PCDH11X: variants seen among roughly 807,000 people sequenced by gnomAD.
PCDH11X encodes protocadherin 11 X-linked, also known as protocadherin-11 X-linked.
A neutral mutation model predicts 53.3 loss-of-function variants in PCDH11X; 18 were observed. That is an observed-to-expected ratio of 0.34 (90% CI 0.23 to 0.50). PCDH11X has a LOEUF of 0.50. PCDH11X is among the 20% of genes least tolerant of loss of function. The pLI, the probability that PCDH11X is intolerant of heterozygous loss-of-function variation, is 0.98. For missense variants in PCDH11X, 570 were observed against 1,032.4 expected, an observed-to-expected ratio of 0.55 and a Z score of 6.14; for synonymous variants, 279 against 393.3, an observed-to-expected ratio of 0.71 and a Z score of 3.44.
chrX:92,105,893 T>C (rs1569358998), intron 6 of PCDH11X, among the ~76,000 whole-genome samples: 1 of 111,574 alleles, frequency 9.0e-6, no homozygotes. Context: ...ATGCGATGGC[T>C]TGGCTTGGGC....
chrX:92,422,803 A>G lies in PCDH11X; in HGVS notation c.3343+34870A>G, dbSNP rs755052632. Among the ~76,000 whole-genome samples the G allele has an allele frequency of 3.7e-3, 408 of 110,255 alleles. 4 individuals are homozygous for G. Among genetic ancestry groups the G allele is most frequent in the African/African-American group, 0.013 (382 of 30,515 alleles). On this transcript the variant is annotated intron_variant, in intron 9 of 10. Transcript: ENST00000682573. The stretch of plus-strand genomic sequence containing the variant: ...TGTAAAAGTGTTCCCTTTTCACCAC[A>G]TCCACGCCAACGTCTATTTTTTTTA...
At chrX:92,400,889 A>G (rs1359152902) in intron 9 of PCDH11X, among the ~76,000 whole-genome samples, 1 of 108,120 alleles carries the variant, frequency 9.2e-6, no homozygotes, top group Non-Finnish European at 1.9e-5. Context: ...TAGATGCTTA[A>G]GGAAATTGTA....
intron 6 of PCDH11X, among the ~76,000 whole-genome samples, chrX:92,134,230 A>G (rs1161059449): frequency 1.8e-5 from 2 of 111,309 alleles, no homozygotes; most frequent in East Asian, 5.7e-4. Context: ...CTTTGTCTAC[A>G]AGGAATTTCC....
chrX:92,303,927 G>A lies in PCDH11X; in HGVS notation c.3144+40784G>A, dbSNP rs753407703. Among the ~76,000 whole-genome samples, 9 of 111,091 alleles carry A rather than the reference G, an allele frequency of 8.1e-5. No homozygotes were observed. In the South Asian group the frequency reaches 1.1e-3, roughly 14 times the overall value. On this transcript the variant is annotated intron_variant, in intron 8 of 10. Transcript: ENST00000682573. ...TCAGATGTTTACTACAATGCAACAC[G>A]AGTTTTAAATGACTAAGTTGAGATA... is the stretch of plus-strand genomic sequence containing the variant.
intron 8 of PCDH11X, among the ~76,000 whole-genome samples, chrX:92,346,250 A>T (rs1234434688): frequency 9.0e-6 from 1 of 111,445 alleles, no homozygotes; most frequent in Non-Finnish European, 1.9e-5. Context: ...TAGAATTTTT[A>T]TCAGTCAGTC....
intron 6 of PCDH11X, among the ~76,000 whole-genome samples, chrX:91,996,160 T>C (rs1310357448): frequency 1.1e-5 from 1 of 88,871 alleles, no homozygotes; most frequent in African/African-American, 4.3e-5. Flanking sequence ...TTTTTTTTTT[T>C]TTTGAGACGG....
At chrX:92,580,158 A>G (rs5984196) in intron 10 of PCDH11X, among the ~76,000 whole-genome samples, 28,628 of 97,232 alleles carry the variant, frequency 0.29, 5,184 homozygotes, top group African/African-American at 0.48. Context: ...TATGCCAGCT[A>G]GAATGCTCCT....
chrX:92,232,876 C>T (rs1444307620), intron 7 of PCDH11X, among the ~76,000 whole-genome samples: 2 of 111,306 alleles, frequency 1.8e-5, no homozygotes, highest in African/African-American at 6.5e-5. Context: ...CCACCACGCC[C>T]GGCTAATTTT....
At chrX:92,499,840 A>T (rs762606867) in intron 10 of PCDH11X, among the ~76,000 whole-genome samples, 90 of 107,136 alleles carry the variant, frequency 8.4e-4, no homozygotes, top group African/African-American at 2.8e-3. Flanking sequence ...TCATAAAAAA[A>T]GAAAGAATGA....
chrX:92,296,172 C>G (rs1283218396), intron 8 of PCDH11X, among the ~76,000 whole-genome samples: 1 of 110,804 alleles, frequency 9.0e-6, no homozygotes, highest in African/African-American at 3.3e-5. Flanking sequence ...TCTTGGATCC[C>G]TGGAATAAAT....
intron 6 of PCDH11X, among the ~76,000 whole-genome samples, chrX:92,105,518 G>T (rs1235490342): frequency 4.5e-5 from 5 of 110,019 alleles, no homozygotes; most frequent in Non-Finnish European, 9.5e-5. Flanking sequence ...GTGCAGGCGG[G>T]CTGAGTCGGA....
In PCDH11X at chrX:92,323,220, T is replaced by A. The variant is rs199909773; in HGVS notation, c.3144+60077T>A. Among the ~76,000 whole-genome samples the A allele has an allele frequency of 3.6e-5, 4 of 111,750 alleles. No homozygotes were observed. The East Asian group carries it at 1.1e-3, about 31-fold the overall frequency. Reference sequence around the variant, plus strand: ...GTTGTTTTAAAATGGAAATAAGCTCTTTCTTATATAGAATCAATTAAAAGT... The same window carrying A: ...GTTGTTTTAAAATGGAAATAAGCTCATTCTTATATAGAATCAATTAAAAGT... On this transcript the variant is annotated intron_variant, in intron 8 of 10. Coordinates refer to ENST00000682573, the MANE Select transcript of PCDH11X (RefSeq NM_032968.5).
At chrX:92,148,720 C>T (rs1444755139) in intron 6 of PCDH11X, among the ~76,000 whole-genome samples, 1 of 107,537 alleles carries the variant, frequency 9.3e-6, no homozygotes, top group East Asian at 2.9e-4. Context: ...ATTTCAGGAA[C>T]TGGCCTTGGA....
intron 8 of PCDH11X, among the ~76,000 whole-genome samples, chrX:92,309,916 T>G (rs1482435422): frequency 8.9e-6 from 1 of 112,133 alleles, no homozygotes; most frequent in Non-Finnish European, 1.9e-5. Context: ...TTTTCAAACA[T>G]CTCTTCCTTG....
chrX:92,565,471 C>A (rs1340622605), intron 10 of PCDH11X, among the ~76,000 whole-genome samples: 1 of 98,741 alleles, frequency 1.0e-5, no homozygotes, highest in Non-Finnish European at 2.1e-5. Context: ...GAATGAGATC[C>A]AATCATTTGC....
chrX:92,343,005 C>T (rs781017122), intron 8 of PCDH11X, among the ~76,000 whole-genome samples: 1 of 112,207 alleles, frequency 8.9e-6, no homozygotes, highest in Non-Finnish European at 1.9e-5. Flanking sequence ...GCTGACCAAA[C>T]ATGAGAATAT....
chrX:92,237,315 T>C (rs768722685), intron 7 of PCDH11X, among the ~76,000 whole-genome samples: 14 of 111,140 alleles, frequency 1.3e-4, no homozygotes, highest in Admixed American at 1.9e-4. Context: ...GGCTTTGGAA[T>C]CAGATGAGTT....
intron 6 of PCDH11X, among the ~76,000 whole-genome samples, chrX:92,059,696 C>T (rs984606966): frequency 3.6e-5 from 4 of 110,721 alleles, no homozygotes; most frequent in Non-Finnish European, 7.6e-5. Context: ...TTATATCATA[C>T]CTGCATAGAA....
At chrX:92,132,949 A>G (rs1200455506) in intron 6 of PCDH11X, among the ~76,000 whole-genome samples, 1 of 110,295 alleles carries the variant, frequency 9.1e-6, no homozygotes, top group Non-Finnish European at 1.9e-5. Context: ...TAAAAATGCC[A>G]TCAAGGAAGT....
Sources: gnomAD v4.1 joint callset for allele counts (sites outside exome capture counted in the v4.1 genomes callset) on GRCh38, gnomAD v4.1.1 for gene constraint, MANE v1.5 for transcripts, NCBI Gene and HGNC (gene_info 2026-07-23, HGNC 2026-07-21) for gene names.